The following SKIC3 variants were observed in gnomAD, a reference collection of about 807,000 sequenced individuals.
SKIC3 encodes SKI3 subunit of superkiller complex, also known as superkiller complex protein 3.
chr5:95,469,638 G>A, the SKIC3 span: 20 of 1,156,200 alleles, frequency 1.7e-5, no homozygotes, highest in Non-Finnish European at 2.5e-5. Context: ...TTCCAAAGTA[G>A]ATACAGATAT....
At chr5:95,534,520 A>G in the SKIC3 span, among the ~76,000 whole-genome samples, 1 of 152,018 alleles carries the variant, frequency 6.6e-6, no homozygotes, top group African/African-American at 2.4e-5. Flanking sequence ...TAATTCAATC[A>G]CTTTCATTTA....
chr5:95,544,327 G>A, the SKIC3 span, among the ~76,000 whole-genome samples: 1 of 152,204 alleles, frequency 6.6e-6, no homozygotes, highest in Non-Finnish European at 1.5e-5. Context: ...TAGCTGCCAT[G>A]ACTCTAAGTC....
chr5:95,503,493 A>G, the SKIC3 span, among the ~76,000 whole-genome samples: 1 of 152,260 alleles, frequency 6.6e-6, no homozygotes, highest in Admixed American at 6.5e-5. Context: ...AGAAATTAAC[A>G]TCTAAGCAGT....
chr5:95,497,339 C>G, the SKIC3 span: 1 of 1,241,062 alleles, frequency 8.1e-7, no homozygotes, highest in Non-Finnish European at 1.2e-6. Flanking sequence ...AAGAATAATG[C>G]CATAGTTTAA....
At chr5:95,489,520 TAAAAA>T in the SKIC3 span, among the ~76,000 whole-genome samples, 1 of 116,652 alleles carries the variant, frequency 8.6e-6, no homozygotes, top group Non-Finnish European at 1.9e-5. Context: ...GGCAACCAGT[TAAAAA>T]AAAAAAAAAA....
the SKIC3 span, chr5:95,530,095 T>C: frequency 6.2e-7 from 1 of 1,613,130 alleles, no homozygotes; most frequent in South Asian, 1.1e-5. Context: ...TTACCTTCTG[T>C]TAGGTTCCTA....
chr5:95,553,727 T>C, the SKIC3 span, among the ~76,000 whole-genome samples: 1 of 152,156 alleles, frequency 6.6e-6, no homozygotes, highest in Non-Finnish European at 1.5e-5. Context: ...GCCCAGTATT[T>C]TGCGTATTTT....
the SKIC3 span, chr5:95,512,969 C>T: frequency 3.6e-6 from 1 of 277,808 alleles, no homozygotes; most frequent in African/African-American, 2.2e-5. Context: ...AAATGTCTAC[C>T]ATGCCTACTC....
At chr5:95,506,328 T>C in the SKIC3 span, among the ~76,000 whole-genome samples, 1 of 152,194 alleles carries the variant, frequency 6.6e-6, no homozygotes, top group Non-Finnish European at 1.5e-5. Flanking sequence ...AACAGTGTTT[T>C]TCAAACTGTA....
the SKIC3 span, among the ~76,000 whole-genome samples, chr5:95,517,759 A>G: frequency 6.6e-6 from 1 of 152,038 alleles, no homozygotes; most frequent in Non-Finnish European, 1.5e-5. Flanking sequence ...CATGCTGTGT[A>G]GTTTTGACTA....
the SKIC3 span, among the ~76,000 whole-genome samples, chr5:95,492,925 T>C: frequency 2.6e-5 from 4 of 152,140 alleles, no homozygotes; most frequent in Admixed American, 6.5e-5. Context: ...AACTCTTCCA[T>C]AGATAACCAG....
the SKIC3 span, among the ~76,000 whole-genome samples, chr5:95,481,294 T>C: frequency 2.0e-5 from 3 of 152,248 alleles, no homozygotes; most frequent in South Asian, 2.1e-4. Context: ...GTTCTCATGA[T>C]AGCGAATAAG....
the SKIC3 span, chr5:95,491,085 T>G: frequency 1.2e-6 from 2 of 1,609,818 alleles, no homozygotes; most frequent in Non-Finnish European, 1.7e-6. Context: ...ATCAACATGT[T>G]GCTTAAAAAC....
At chr5:95,553,621 G>A in the SKIC3 span, among the ~76,000 whole-genome samples, 1 of 151,902 alleles carries the variant, frequency 6.6e-6, no homozygotes, top group African/African-American at 2.4e-5. Flanking sequence ...GTGCAAAGGT[G>A]CGATCTCAGC....
At chr5:95,543,230 T>C in the SKIC3 span, 16 of 1,614,000 alleles carry the variant, frequency 9.9e-6, no homozygotes, top group African/African-American at 1.3e-5. Context: ...AGCTTTTTTA[T>C]AGGCACTCTG....
At chr5:95,482,524 T>C in the SKIC3 span, 1 of 1,614,062 alleles carries the variant, frequency 6.2e-7, no homozygotes, top group Non-Finnish European at 8.5e-7. Context: ...TTTGTAGTTC[T>C]TCAAGTACAG....
the SKIC3 span, among the ~76,000 whole-genome samples, chr5:95,466,762 C>T: frequency 1.3e-5 from 2 of 152,076 alleles, no homozygotes; most frequent in Non-Finnish European, 2.9e-5. Context: ...CTTTAGAGTC[C>T]TTTCTTTAAA....
the SKIC3 span, among the ~76,000 whole-genome samples, chr5:95,479,937 T>C: frequency 6.6e-6 from 1 of 151,734 alleles, no homozygotes; most frequent in Non-Finnish European, 1.5e-5. Flanking sequence ...CAATGGAAAA[T>C]AAGGAGGCCT....
At chr5:95,528,888 A>G in the SKIC3 span, 1 of 859,302 alleles carries the variant, frequency 1.2e-6, no homozygotes, top group Non-Finnish European at 1.9e-6. Context: ...TTAGCAATTT[A>G]AAATACAAAA....
Sources: gnomAD v4.1 joint callset for allele counts (sites outside exome capture counted in the v4.1 genomes callset) on GRCh38, gnomAD v4.1.1 for gene constraint, MANE v1.5 for transcripts, NCBI Gene and HGNC (gene_info 2026-07-23, HGNC 2026-07-21) for gene names.